The following NLGN1 variants were observed in gnomAD, a reference collection of about 807,000 sequenced individuals.
The protein encoded by NLGN1 is neuroligin 1, also known as neuroligin-1.
NLGN1 carries 12 observed loss-of-function variants against 65.5 expected under a neutral mutation model. The ratio of observed to expected loss-of-function variants is 0.18; its 90% CI spans 0.12 to 0.30. The LOEUF (loss-of-function observed/expected upper bound fraction) is 0.30. Among genes scored for constraint, NLGN1 ranks in the 10% least tolerant of loss-of-function variants. The pLI is 1.00. For synonymous variants in NLGN1, 350 were observed against 359.5 expected, an observed-to-expected ratio of 0.97 and a Z score of 0.30; for missense variants, 750 against 1,007.1, an observed-to-expected ratio of 0.74 and a Z score of 3.46.
chr3:173,537,022 A>G (rs1737545667), intron 2 of NLGN1, among the ~76,000 whole-genome samples: 1 of 152,174 alleles, frequency 6.6e-6, no homozygotes, highest in African/African-American at 2.4e-5. Flanking sequence ...TCCCTTACTC[A>G]ACATTTGTTC....
chr3:173,814,989 C>A (rs556755881), intron 4 of NLGN1, among the ~76,000 whole-genome samples: 20 of 151,854 alleles, frequency 1.3e-4, no homozygotes, highest in African/African-American at 4.6e-4. Flanking sequence ...TTTTTCTTTT[C>A]TTTTCTTTTC....
At chr3:174,215,681 CA>C (rs1269719886) in intron 4 of NLGN1, among the ~76,000 whole-genome samples, 5 of 151,796 alleles carry the variant, frequency 3.3e-5, no homozygotes, top group African/African-American at 1.2e-4. Flanking sequence ...TGGAGGCATG[CA>C]AAAAAAGCAG....
At chr3:173,948,340 T>A (rs1455326682) in intron 4 of NLGN1, among the ~76,000 whole-genome samples, 1 of 152,246 alleles carries the variant, frequency 6.6e-6, no homozygotes, top group East Asian at 1.9e-4. Context: ...TGTTAGCTGT[T>A]GATTTTATCA....
chr3:173,399,820 C>T (rs925241032), intron 1 of NLGN1: 2 of 152,108 alleles, frequency 1.3e-5, no homozygotes, highest in Non-Finnish European at 2.9e-5. Context: ...AATCTGAGAT[C>T]TGAGTTTTTT....
At chr3:173,707,787 T>G (rs1234055473) in intron 3 of NLGN1, among the ~76,000 whole-genome samples, 2 of 152,164 alleles carry the variant, frequency 1.3e-5, no homozygotes, top group Non-Finnish European at 2.9e-5. Context: ...ACTGAAAAAT[T>G]ATAGCTTGCC....
At chr3:173,505,998 A>G (rs1323418372) in intron 2 of NLGN1, among the ~76,000 whole-genome samples, 6 of 152,136 alleles carry the variant, frequency 3.9e-5, no homozygotes, top group African/African-American at 1.4e-4. Flanking sequence ...CGTATTTCTA[A>G]AACCACTAGC....
chr3:173,803,951 T>C (rs1336706827), intron 3 of NLGN1, among the ~76,000 whole-genome samples: 1 of 152,188 alleles, frequency 6.6e-6, no homozygotes, highest in African/African-American at 2.4e-5. Context: ...AAAAAATCAG[T>C]AAACATATTT....
intron 4 of NLGN1, among the ~76,000 whole-genome samples, chr3:173,868,890 C>CAG (rs1176570042): frequency 5.3e-5 from 8 of 151,810 alleles, no homozygotes; most frequent in Non-Finnish European, 1.0e-4. Context: ...GAGAGAGCAA[C>CAG]AGAGAGAGAG....
intron 4 of NLGN1, among the ~76,000 whole-genome samples, chr3:174,052,140 T>C (rs1011525447): frequency 1.3e-5 from 2 of 152,044 alleles, no homozygotes; most frequent in Non-Finnish European, 2.9e-5. Flanking sequence ...TGGGCTTTTT[T>C]TCTCCATGAA....
chr3:173,823,062 C>T (rs1720635643), intron 4 of NLGN1, among the ~76,000 whole-genome samples: 1 of 151,878 alleles, frequency 6.6e-6, no homozygotes. Context: ...AGTGGAAATT[C>T]CTAGTTGCAT....
intron 4 of NLGN1, among the ~76,000 whole-genome samples, chr3:174,185,536 G>A (rs1430121792): frequency 6.6e-6 from 1 of 152,048 alleles, no homozygotes; most frequent in Non-Finnish European, 1.5e-5. Context: ...CTTCTTGAAG[G>A]CAAGAATGAT....
chr3:173,646,527 T>A (rs1398973344), intron 3 of NLGN1, among the ~76,000 whole-genome samples: 1 of 152,196 alleles, frequency 6.6e-6, no homozygotes. Context: ...AAATAATAAA[T>A]GCTTGAGGTA....
chr3:174,223,385 A>G (rs1359850937), intron 4 of NLGN1, among the ~76,000 whole-genome samples: 1 of 152,322 alleles, frequency 6.6e-6, no homozygotes, highest in African/African-American at 2.4e-5. Flanking sequence ...AGTATCAAAC[A>G]CGATTAAGTT....
chr3:174,088,921 A>G (rs931016230), intron 4 of NLGN1, among the ~76,000 whole-genome samples: 7 of 152,082 alleles, frequency 4.6e-5, no homozygotes, highest in Non-Finnish European at 7.4e-5. Context: ...CAGAGTACCT[A>G]TTTTATGACA....
intron 2 of NLGN1, among the ~76,000 whole-genome samples, chr3:173,522,656 ATC>A (rs1474761477): frequency 1.3e-5 from 2 of 152,026 alleles, no homozygotes; most frequent in Non-Finnish European, 2.9e-5. Context: ...GATGGTCTCG[ATC>A]TCCTGACCTA....
intron 4 of NLGN1, among the ~76,000 whole-genome samples, chr3:174,046,393 T>A (rs1733608643): frequency 6.6e-6 from 1 of 152,098 alleles, no homozygotes; most frequent in African/African-American, 2.4e-5. Context: ...TTTACTGTAT[T>A]ATTTTGTTTG....
chr3:173,539,768 T>C (rs1483036614), intron 2 of NLGN1, among the ~76,000 whole-genome samples: 3 of 120,998 alleles, frequency 2.5e-5, no homozygotes, highest in African/African-American at 3.4e-5. Context: ...TACATGTACA[T>C]ATATAACACA....
Position 173,410,459 on chromosome 3 carries a change from A to G in NLGN1, c.-390+11972A>G, listed in dbSNP as rs563234085. On this transcript the variant is annotated intron_variant, in intron 1 of 6. Coordinates refer to ENST00000457714, the Ensembl canonical transcript of NLGN1. The stretch of plus-strand genomic sequence containing the variant: ...CAATTGTGACAGTCCTTCTTTATTC[A>G]CCTGGAGTTTTTGAAGTTAAGATAT... Among the ~76,000 whole-genome samples, 46 of 152,262 alleles carry G rather than the reference A, an allele frequency of 3.0e-4. 1 individual carries two copies. The highest frequency in any genetic ancestry group is 1.0e-3 in the African/African-American group (43 of 41,552).
intron 2 of NLGN1, among the ~76,000 whole-genome samples, chr3:173,574,099 A>G (rs1745122009): frequency 6.6e-6 from 1 of 151,396 alleles, no homozygotes; most frequent in African/African-American, 2.4e-5. Flanking sequence ...AGAAAAAAGA[A>G]AAAACATTGC....
Sources: gnomAD v4.1 joint callset for allele counts (sites outside exome capture counted in the v4.1 genomes callset) on GRCh38, gnomAD v4.1.1 for gene constraint, MANE v1.5 for transcripts, NCBI Gene and HGNC (gene_info 2026-07-23, HGNC 2026-07-21) for gene names.